ATP8B4: variants seen among roughly 807,000 people sequenced by gnomAD.
ATP8B4 encodes the protein probable phospholipid-transporting ATPase IM.
In ATP8B4, 133 loss-of-function variants were observed where a neutral mutation model predicts 145.6. That is an observed-to-expected ratio of 0.91 (90% CI 0.79 to 1.05). The LOEUF is 1.05. Among genes scored for constraint, ATP8B4 ranks in the 50% least tolerant of loss-of-function variants. The pLI is 0.00. For synonymous variants in ATP8B4, 507 were observed against 492.9 expected (o/e 1.03, Z -0.38); for missense variants, 1,458 against 1,425.2 (o/e 1.02, Z -0.37).
At chr15:49,952,084 C>T (rs1162023347) in intron 14 of ATP8B4, among the ~76,000 whole-genome samples, 1 of 152,184 alleles carries the variant, frequency 6.6e-6, no homozygotes, top group Non-Finnish European at 1.5e-5. Context: ...ATGGGCTTCC[C>T]TCTGTGGGCA....
intron 1 of ATP8B4, among the ~76,000 whole-genome samples, chr15:50,149,766 C>A (rs8030807): frequency 0.89 from 135,624 of 152,204 alleles, 60,786 homozygotes; most frequent in East Asian, 0.94. Context: ...GTATTCAGGG[C>A]AGTAAAGGAA....
chr15:50,163,359 T>C (rs2044548939), intron 1 of ATP8B4, among the ~76,000 whole-genome samples: 1 of 152,272 alleles, frequency 6.6e-6, no homozygotes, highest in Admixed American at 6.5e-5. Context: ...CCAAGCCCAG[T>C]AACGTTGTGA....
intron 2 of ATP8B4, among the ~76,000 whole-genome samples, chr15:50,076,643 C>T (rs917363630): frequency 5.9e-5 from 9 of 152,176 alleles, no homozygotes; most frequent in Non-Finnish European, 1.0e-4. Context: ...ATCCAAATTG[C>T]TCTCATCCCC....
intron 23 of ATP8B4, among the ~76,000 whole-genome samples, chr15:49,884,832 C>T (rs369387278): frequency 1.6e-3 from 244 of 152,136 alleles, no homozygotes; most frequent in African/African-American, 5.7e-3. Context: ...GATGAGCAGC[C>T]GCATAAGATT....
chr15:49,961,952 G>A, intron 14 of ATP8B4, 25 bp downstream of exon 14: 1 of 1,560,376 alleles, frequency 6.4e-7, no homozygotes, highest in Non-Finnish European at 8.7e-7. Context: ...TTAAAACTAA[G>A]AATAAAATTT....
At chr15:49,990,240 A>T (rs1376317866) in intron 9 of ATP8B4, among the ~76,000 whole-genome samples, 2 of 152,196 alleles carry the variant, frequency 1.3e-5, no homozygotes, top group Non-Finnish European at 2.9e-5. Context: ...AAGCTCTCTT[A>T]GGACCCTTCT....
upstream of ATP8B4, among the ~76,000 whole-genome samples, chr15:50,120,066 A>C (rs1595621411): frequency 6.6e-6 from 1 of 152,298 alleles, no homozygotes; most frequent in African/African-American, 2.4e-5. Context: ...TCTTTTAAAT[A>C]TGCCTAAAGC....
At chr15:50,023,297 A>C (rs1269649886) in intron 6 of ATP8B4, among the ~76,000 whole-genome samples, 2 of 152,150 alleles carry the variant, frequency 1.3e-5, no homozygotes, top group East Asian at 3.9e-4. Context: ...CGATATTTTC[A>C]ATTTGGTTAA....
chr15:50,049,501 T>C (rs2052003896), intron 3 of ATP8B4, among the ~76,000 whole-genome samples: 1 of 152,242 alleles, frequency 6.6e-6, no homozygotes, highest in African/African-American at 2.4e-5. Flanking sequence ...TATGCCTGTG[T>C]GGTATTCCAT....
chr15:50,044,721 G>A, intron 4 of ATP8B4, 29 bp from the exon 5 acceptor site: 2 of 1,513,946 alleles, frequency 1.3e-6, no homozygotes, highest in South Asian at 1.1e-5. Context: ...ATAGTTTAGG[G>A]CTTTTAAAGT....
At chr15:50,142,821 G>A (rs1025656348) in intron 1 of ATP8B4, among the ~76,000 whole-genome samples, 1 of 152,188 alleles carries the variant, frequency 6.6e-6, no homozygotes, top group Non-Finnish European at 1.5e-5. Context: ...GGCATGCAGG[G>A]AGGGAGAGGC....
intron 1 of ATP8B4, among the ~76,000 whole-genome samples, chr15:50,147,561 A>G (rs879831863): frequency 2.0e-5 from 3 of 152,162 alleles, no homozygotes; most frequent in Non-Finnish European, 2.9e-5. Context: ...CAAAAGCAGG[A>G]TCCCACGGAG....
At chr15:50,054,318 A>C (rs1404132569) in intron 3 of ATP8B4, among the ~76,000 whole-genome samples, 1 of 152,176 alleles carries the variant, frequency 6.6e-6, no homozygotes, top group Non-Finnish European at 1.5e-5. Flanking sequence ...CTCACTCTCA[A>C]ATGTAATGCT....
chr15:49,861,737 G>T (rs1488114733), intron 27 of ATP8B4, among the ~76,000 whole-genome samples: 1 of 152,042 alleles, frequency 6.6e-6, no homozygotes, highest in Non-Finnish European at 1.5e-5. Flanking sequence ...TTCCTTCCAA[G>T]TGTACTAATC....
At chr15:50,143,074 C>G (rs138963510) in intron 1 of ATP8B4, among the ~76,000 whole-genome samples, 1 of 152,172 alleles carries the variant, frequency 6.6e-6, no homozygotes, top group Non-Finnish European at 1.5e-5. Flanking sequence ...CCCTCATTTC[C>G]CTTAAAGGCA....
At position 49,860,488 on chromosome 15, in the gene ATP8B4, A is replaced by C. The variant is rs1220396776; in HGVS notation, c.3298-13T>G. ...GCCACCGGCGGATCTGGAGAGAAAC[A>C]GACCCAAAGTGAGATGATGCATCCA... is the stretch of plus-strand genomic sequence containing the variant. On this transcript the variant is annotated splice_polypyrimidine_tract_variant and intron_variant, in intron 27 of 27. Coordinates refer to ENST00000284509, the MANE Select transcript of ATP8B4 (RefSeq NM_024837.4). The C allele has an allele frequency of 1.3e-6, 2 of 1,594,422 alleles. No individual in the cohort carries two copies. Among genetic ancestry groups the C allele is most frequent in the Non-Finnish European group, 1.7e-6 (2 of 1,172,252 alleles).
chr15:50,171,639 T>C (rs1024590025), intron 1 of ATP8B4, among the ~76,000 whole-genome samples: 10 of 151,792 alleles, frequency 6.6e-5, no homozygotes, highest in African/African-American at 2.2e-4. Context: ...AGATCACACC[T>C]CAAGGAACTA....
At position 49,858,838 on chromosome 15, in the gene ATP8B4, T is replaced by C. The variant is rs556861735; in HGVS notation, c.*1356A>G. 1 of 152,252 alleles carries C rather than the reference T, an allele frequency of 6.6e-6. No homozygotes were observed. The highest frequency in any genetic ancestry group is 6.5e-5 in the Admixed American group (1 of 15,286). 9.4% of individuals were successfully genotyped at this position (152,252 alleles called of 1,614,324 possible). ...ATATTCTCTTCCAATTGCTCTGTTATACTGATGTTGAGTTAACTGGAACTT... is the reference window on the plus strand; with the variant it reads ...ATATTCTCTTCCAATTGCTCTGTTACACTGATGTTGAGTTAACTGGAACTT... On this transcript the variant is annotated 3_prime_UTR_variant, in exon 28 of 28. Transcript: ENST00000284509.
chr15:50,085,936 T>TCA (rs1491221235), intron 2 of ATP8B4, among the ~76,000 whole-genome samples: 1 of 76,910 alleles, frequency 1.3e-5, no homozygotes, highest in Non-Finnish European at 2.3e-5. Context: ...ATCATATATA[T>TCA]TTATATATGA....
Sources: allele counts gnomAD v4.1 joint callset (sites outside exome capture counted in the v4.1 genomes callset), GRCh38; gene constraint gnomAD v4.1.1; transcripts MANE v1.5; gene names NCBI Gene and HGNC (gene_info 2026-07-23, HGNC 2026-07-21).